The following NAALADL2 variants were observed in gnomAD, a reference collection of about 807,000 sequenced individuals.
NAALADL2 encodes inactive N-acetylated-alpha-linked acidic dipeptidase-like protein 2.
A neutral mutation model predicts 87.2 loss-of-function variants in NAALADL2; 76 were observed. The ratio of observed to expected loss-of-function variants is 0.87; its 90% CI spans 0.72 to 1.05. The LOEUF is 1.05. NAALADL2 is among the 50% of genes least tolerant of loss of function. The pLI, the probability that NAALADL2 is intolerant of heterozygous loss-of-function variation, is 0.00. For synonymous variants in NAALADL2, 354 were observed against 331.0 expected (o/e 1.07, Z -0.75); for missense variants, 1,089 against 945.8 (o/e 1.15, Z -1.99).
chr3:174,817,623 A>G (rs1018028245), intron 3 of NAALADL2, among the ~76,000 whole-genome samples: 1 of 152,182 alleles, frequency 6.6e-6, no homozygotes, highest in Non-Finnish European at 1.5e-5. Context: ...TAATTTTTAA[A>G]AAATTTAAAA....
intron 2 of NAALADL2, among the ~76,000 whole-genome samples, chr3:174,728,533 G>A (rs991453773): frequency 1.4e-4 from 21 of 152,044 alleles, no homozygotes; most frequent in Admixed American, 6.6e-5. Flanking sequence ...CAGCTAATAA[G>A]TATTAGGGCA....
At chr3:174,694,367 G>T (rs949724837) in intron 2 of NAALADL2, among the ~76,000 whole-genome samples, 5 of 152,030 alleles carry the variant, frequency 3.3e-5, no homozygotes, top group Non-Finnish European at 5.9e-5. Flanking sequence ...GAAGAGGATA[G>T]AAATACAGAT....
At chr3:175,745,203 T>G (rs1456707463) in intron 12 of NAALADL2, among the ~76,000 whole-genome samples, 3 of 152,212 alleles carry the variant, frequency 2.0e-5, no homozygotes. Flanking sequence ...GGTTGATTTA[T>G]TGGATGGTTC....
intron 2 of NAALADL2, among the ~76,000 whole-genome samples, chr3:174,603,810 A>T (rs565392370): frequency 5.0e-4 from 76 of 151,260 alleles, no homozygotes; most frequent in African/African-American, 1.7e-3. Context: ...TTTTTTAAAA[A>T]TTTTTTCTCT....
rs563540609 is a variant in NAALADL2 at position 174,882,547 on chromosome 3, A to G, written c.43+23097A>G. 3.5e-5 allele frequency among the ~76,000 whole-genome samples: 5 copies of G among 144,552 alleles called. No individual in the cohort carries two copies. In the East Asian group the frequency reaches 9.9e-4, roughly 29 times the overall value. The allele number at this position is 144,552 out of a possible 152,430, so 94.8% of individuals were successfully genotyped here. ...TATACACATATATGCATACACACAT[A>G]TGTACATATGTGTATATATACATAT... On this transcript the variant is annotated intron_variant, in intron 1 of 13. Transcript: ENST00000454872.
intron 2 of NAALADL2, among the ~76,000 whole-genome samples, chr3:175,165,760 G>C (rs1733905416): frequency 6.6e-6 from 1 of 152,040 alleles, no homozygotes; most frequent in Non-Finnish European, 1.5e-5. Flanking sequence ...ATCTCTTGCT[G>C]ACTCACTTTT....
intron 5 of NAALADL2, among the ~76,000 whole-genome samples, chr3:175,324,793 T>C (rs186148856): frequency 4.2e-4 from 64 of 152,332 alleles, no homozygotes; most frequent in Middle Eastern, 3.4e-3. Context: ...ATGGATTTAA[T>C]ATGATTTTCT....
chr3:175,788,852 A>T (rs570400776), intron 13 of NAALADL2, among the ~76,000 whole-genome samples: 10 of 152,352 alleles, frequency 6.6e-5, no homozygotes, highest in Admixed American at 3.3e-4. Flanking sequence ...ATAAACTTAC[A>T]TGACAGGCTG....
At chr3:174,601,600 G>A (rs1295738100) in intron 2 of NAALADL2, among the ~76,000 whole-genome samples, 1 of 152,022 alleles carries the variant, frequency 6.6e-6, no homozygotes. Context: ...TGGGTTGTCT[G>A]TTCACTTTGT....
At chr3:174,965,434 C>A (rs943025551) in intron 1 of NAALADL2, among the ~76,000 whole-genome samples, 2 of 152,090 alleles carry the variant, frequency 1.3e-5, no homozygotes, top group Non-Finnish European at 2.9e-5. Context: ...TTAGTTCCCA[C>A]CTTTTGAAGT....
chr3:174,551,388 C>A (rs1192941422), intron 2 of NAALADL2: 1 of 152,036 alleles, frequency 6.6e-6, no homozygotes, highest in Admixed American at 6.6e-5. Flanking sequence ...TGTACATATT[C>A]CTCACATAAG....
chr3:175,095,023 T>C (rs550114141), intron 1 of NAALADL2, among the ~76,000 whole-genome samples: 4 of 152,174 alleles, frequency 2.6e-5, no homozygotes, highest in South Asian at 2.1e-4. Flanking sequence ...ACGAAGACCC[T>C]GTGTCGTAGG....
chr3:174,504,922 T>C (rs1363929767), intron 1 of NAALADL2, among the ~76,000 whole-genome samples: 1 of 152,146 alleles, frequency 6.6e-6, no homozygotes, highest in African/African-American at 2.4e-5. Flanking sequence ...TCCAGCATAC[T>C]ATCTCATGAA....
chr3:174,516,301 A>G (rs1455138398), intron 1 of NAALADL2, among the ~76,000 whole-genome samples: 1 of 152,068 alleles, frequency 6.6e-6, no homozygotes, highest in Non-Finnish European at 1.5e-5. Context: ...TCAGTTATGC[A>G]TCTCCTCATT....
At chr3:174,958,096 C>G (rs1202070761) in intron 1 of NAALADL2, among the ~76,000 whole-genome samples, 2 of 151,260 alleles carry the variant, frequency 1.3e-5, no homozygotes, top group Non-Finnish European at 2.9e-5. Flanking sequence ...AAGGAACTGA[C>G]AGCTTGCTTT....
chr3:174,617,663 A>T (rs150065840), intron 2 of NAALADL2, among the ~76,000 whole-genome samples: 2 of 151,724 alleles, frequency 1.3e-5, no homozygotes, highest in African/African-American at 2.4e-5. Context: ...TCTATGATAG[A>T]TAATAATGAA....
chr3:175,591,784 G>GTGTGTACA (rs1443245536), intron 10 of NAALADL2, among the ~76,000 whole-genome samples: 2 of 137,056 alleles, frequency 1.5e-5, no homozygotes, highest in Non-Finnish European at 1.6e-5. Flanking sequence ...GTGTGTGTGT[G>GTGTGTACA]TATATATATA....
chr3:174,471,829 G>T (rs1446387188), intron 1 of NAALADL2, among the ~76,000 whole-genome samples: 1 of 151,886 alleles, frequency 6.6e-6, no homozygotes, highest in Non-Finnish European at 1.5e-5. Context: ...ATGAGTGTTG[G>T]CTATTCCTGT....
At chr3:175,531,020 G>A (rs1734026014) in intron 9 of NAALADL2, among the ~76,000 whole-genome samples, 1 of 152,020 alleles carries the variant, frequency 6.6e-6, no homozygotes, top group African/African-American at 2.4e-5. Flanking sequence ...TTACCTATGG[G>A]GGCCTGTGAA....
Sources: gnomAD v4.1 joint callset for allele counts (sites outside exome capture counted in the v4.1 genomes callset) on GRCh38, gnomAD v4.1.1 for gene constraint, MANE v1.5 for transcripts, NCBI Gene and HGNC (gene_info 2026-07-23, HGNC 2026-07-21) for gene names.